Variants in ORC5 observed in about 807,000 individuals in gnomAD.
ORC5 encodes protein phosphatase 1, regulatory subunit 117.
Under a neutral mutation model 58.8 loss-of-function variants are expected in ORC5, and 39 were observed. The ratio of observed to expected loss-of-function variants is 0.66; its 90% CI spans 0.51 to 0.87. The LOEUF (loss-of-function observed/expected upper bound fraction) is 0.87. Ranked by LOEUF, ORC5 falls within the 40% of genes least tolerant of loss-of-function variation. The pLI is 0.00. For synonymous variants in ORC5, 218 were observed against 177.6 expected (o/e 1.23, Z -1.81); for missense variants, 493 against 506.3 (o/e 0.97, Z 0.25).
intron 12 of ORC5, among the ~76,000 whole-genome samples, chr7:104,155,150 A>G (rs1798902697): frequency 6.6e-6 from 1 of 151,810 alleles, no homozygotes. Context: ...ACGATTGTTG[A>G]TTCATGACCA....
At chr7:104,182,857 G>C (rs117471480) in intron 8 of ORC5, among the ~76,000 whole-genome samples, 7 of 152,092 alleles carry the variant, frequency 4.6e-5, no homozygotes, top group Non-Finnish European at 7.4e-5. Flanking sequence ...TGCAGTGACC[G>C]GGTGTGGTGG....
intron 12 of ORC5, among the ~76,000 whole-genome samples, chr7:104,145,750 C>T (rs758884777): frequency 1.3e-5 from 2 of 151,970 alleles, no homozygotes; most frequent in African/African-American, 4.8e-5. Context: ...CTTAGGGACC[C>T]TAGGGCTACA....
intron 8 of ORC5, among the ~76,000 whole-genome samples, chr7:104,178,069 C>T (rs1184155325): frequency 6.6e-6 from 1 of 152,120 alleles, no homozygotes; most frequent in Admixed American, 6.5e-5. Context: ...GATTTACAAT[C>T]CTTTGGGTAT....
At chr7:104,205,868 G>C (rs116786352) in intron 1 of ORC5, among the ~76,000 whole-genome samples, 55 of 152,264 alleles carry the variant, frequency 3.6e-4, no homozygotes, top group African/African-American at 1.3e-3. Flanking sequence ...AAATAGCCAG[G>C]CTTGGAGGCA....
chr7:104,133,767 C>A lies in ORC5; in HGVS notation c.1262+3014G>T, dbSNP rs996841961. On this transcript the variant is annotated intron_variant, in intron 13 of 13. Transcript: ENST00000297431. The surrounding 1 kb of genome is among the most constrained non-coding windows in gnomAD (Gnocchi z 4.7). Reference sequence around the variant, plus strand: ...TTAAAGGTCAGATGGTAAAGATAGCCTTTGTTAGTAAAAACAACCAAAGAA... The same window carrying A: ...TTAAAGGTCAGATGGTAAAGATAGCATTTGTTAGTAAAAACAACCAAAGAA... Among the ~76,000 whole-genome samples the A allele has an allele frequency of 6.6e-6, 1 of 152,084 alleles. No individual in the cohort carries two copies. Among genetic ancestry groups the A allele is most frequent in the Non-Finnish European group, 1.5e-5 (1 of 68,020 alleles).
At chr7:104,203,527 A>C (rs1460029612) in intron 2 of ORC5, among the ~76,000 whole-genome samples, 2 of 152,270 alleles carry the variant, frequency 1.3e-5, no homozygotes, top group Non-Finnish European at 1.5e-5. Flanking sequence ...TATGTACTGC[A>C]GAAAGCACTT....
chr7:104,180,053 G>A (rs2115951550), intron 8 of ORC5, among the ~76,000 whole-genome samples: 1 of 152,270 alleles, frequency 6.6e-6, no homozygotes, highest in Non-Finnish European at 1.5e-5. Context: ...TAATGTGTCT[G>A]AATTATTCCA....
chr7:104,170,271 A>C (rs1409942713), intron 8 of ORC5, among the ~76,000 whole-genome samples: 1 of 152,192 alleles, frequency 6.6e-6, no homozygotes, highest in African/African-American at 2.4e-5. Flanking sequence ...AGGCTGAATA[A>C]TGGCTCTGCC....
intron 11 of ORC5, among the ~76,000 whole-genome samples, chr7:104,163,348 T>A (rs959721242): frequency 2.0e-5 from 3 of 152,218 alleles, no homozygotes; most frequent in African/African-American, 7.2e-5. Context: ...TTCTTTCCCT[T>A]TAGTGGCAAC....
chr7:104,188,944 A>T (rs945009119), intron 5 of ORC5, among the ~76,000 whole-genome samples: 1 of 152,062 alleles, frequency 6.6e-6, no homozygotes, highest in African/African-American at 2.4e-5. Context: ...TTCCACCATG[A>T]TTCCAAGTTT....
rs1363162940 is a variant in ORC5, at chr7:104,194,991, A to T, written c.553+152T>A. 38 of 521,846 alleles carry T rather than the reference A, an allele frequency of 7.3e-5. No homozygotes were observed. In the African/African-American group the frequency reaches 7.6e-4, roughly 10 times the overall value. The allele number at this position is 521,846 out of a possible 1,614,324, so 32.3% of individuals were successfully genotyped here. ...CTTTGATATTCCCATTTCAATATCA[A>T]ATTCCCATTTGAATATCAAATTTAT... On this transcript the variant is annotated intron_variant, in intron 5 of 13. Transcript: ENST00000297431.
At chr7:104,151,168 T>C (rs2299408) in intron 12 of ORC5, among the ~76,000 whole-genome samples, 64,355 of 151,938 alleles carry the variant, frequency 0.42, 16,097 homozygotes, top group Non-Finnish European at 0.58. Flanking sequence ...ATAAATGCTA[T>C]TGAATGTAGA....
intron 6 of ORC5, 44 bp from the exon 7 acceptor site, chr7:104,184,215 G>T: frequency 8.4e-7 from 1 of 1,195,798 alleles, no homozygotes; most frequent in South Asian, 1.4e-5. Flanking sequence ...AGCACTGATC[G>T]ATCACAATTA....
chr7:104,201,377 G>C (rs1338471921), intron 2 of ORC5, among the ~76,000 whole-genome samples: 1 of 152,080 alleles, frequency 6.6e-6, no homozygotes, highest in South Asian at 2.1e-4. Flanking sequence ...AAAGGCCCTG[G>C]TGTACCATCA....
chr7:104,195,303 C>T (rs368829721), intron 4 of ORC5, 49 bp from the exon 5 acceptor site: 184 of 1,060,108 alleles, frequency 1.7e-4, no homozygotes, highest in Middle Eastern at 6.4e-4. Context: ...AAATCTTAAT[C>T]GGAGCAGTAT....
At chr7:104,132,702 A>G (rs1798531664) in intron 13 of ORC5, among the ~76,000 whole-genome samples, 1 of 152,212 alleles carries the variant, frequency 6.6e-6, no homozygotes, top group Non-Finnish European at 1.5e-5. Context: ...AGACATAAAC[A>G]CAGTCTGCTT....
intron 12 of ORC5, among the ~76,000 whole-genome samples, chr7:104,151,771 A>G (rs1798851186): frequency 6.6e-6 from 1 of 152,194 alleles, no homozygotes; most frequent in Admixed American, 6.5e-5. Flanking sequence ...AGCCACCAAC[A>G]TACACAGAGC....
rs769195880 is a variant in ORC5 at position 104,205,084 on chromosome 7, C to CTTTTTTTTTTTT, written c.73-851_73-850insAAAAAAAAAAAA. 2.1e-4 allele frequency among the ~76,000 whole-genome samples: 21 copies of CTTTTTTTTTTTT among 102,392 alleles called. 2 individuals carry two copies. Among genetic ancestry groups the CTTTTTTTTTTTT allele is most frequent in the African/African-American group, 7.2e-4 (21 of 29,338 alleles). The allele number at this position is 102,392 out of a possible 152,430, so 67.2% of individuals were successfully genotyped here. A position where few individuals can be genotyped will look rare whatever the true frequency, so the allele number is the denominator to read the frequency against. ...GGGAAAACTTGATTTTTTAATAATA[C>CTTTTTTTTTTTT]TCTTTTTTTTTTTTTTTTTTTTTGA... On this transcript the variant is annotated intron_variant, in intron 1 of 13. Transcript: ENST00000297431.
chr7:104,181,160 T>C (rs1159055763), intron 8 of ORC5, among the ~76,000 whole-genome samples: 3 of 152,232 alleles, frequency 2.0e-5, no homozygotes, highest in Non-Finnish European at 2.9e-5. Flanking sequence ...AGGATGTTTT[T>C]ATGATTTTTA....
Sources: allele counts gnomAD v4.1 joint callset (sites outside exome capture counted in the v4.1 genomes callset), GRCh38; gene constraint gnomAD v4.1.1; non-coding constraint Gnocchi (gnomAD v3.1); transcripts MANE v1.5; gene names NCBI Gene and HGNC (gene_info 2026-07-23, HGNC 2026-07-21).